Variants in WDR27 observed in about 807,000 individuals in gnomAD.
The protein encoded by WDR27 is WD repeat-containing protein 27.
In WDR27, 100 loss-of-function variants were observed where a neutral mutation model predicts 114.4. The observed-to-expected ratio is 0.87, with a 90% CI of 0.74 to 1.03. The LOEUF is 1.03. Ranked by LOEUF, WDR27 falls within the 50% of genes least tolerant of loss-of-function variation. The pLI, the probability that WDR27 is intolerant of heterozygous loss-of-function variation, is 0.00. For synonymous variants in WDR27, 449 were observed against 423.1 expected (o/e 1.06, Z -0.75); for missense variants, 1,129 against 1,092.9 (o/e 1.03, Z -0.47).
At chr6:169,464,673 T>C (rs1442953174) in intron 25 of WDR27, among the ~76,000 whole-genome samples, 2 of 152,242 alleles carry the variant, frequency 1.3e-5, no homozygotes, top group Non-Finnish European at 2.9e-5. Flanking sequence ...TCTCCACTTC[T>C]AACAAGGGAT....
At chr6:169,491,031 G>A (rs759634859) in intron 25 of WDR27, among the ~76,000 whole-genome samples, 28 of 152,118 alleles carry the variant, frequency 1.8e-4, no homozygotes, top group Non-Finnish European at 3.5e-4. Flanking sequence ...GTGGACTTAC[G>A]TACTTTCCAA....
In WDR27 at chr6:169,626,209, C is replaced by T. The variant is rs547065882; in HGVS notation, c.2223+6738G>A. ...CAGCTGCTGGGGAGCAACTGCAGGC[C>T]ATAGGTGGGACAGAAGACGGCAGCG... On this transcript the variant is annotated intron_variant, in intron 21 of 25. Coordinates refer to ENST00000448612, the MANE Select transcript of WDR27 (RefSeq NM_182552.5). Among the ~76,000 whole-genome samples, 6 of 152,266 alleles carry T rather than the reference C, an allele frequency of 3.9e-5. No individual in the cohort carries two copies. The East Asian group carries it at 1.2e-3, about 29-fold the overall frequency.
At chr6:169,616,117 G>A (rs766852648) in intron 21 of WDR27, among the ~76,000 whole-genome samples, 1 of 152,070 alleles carries the variant, frequency 6.6e-6, no homozygotes, top group Non-Finnish European at 1.5e-5. Flanking sequence ...ATAACTGCAC[G>A]TGAAAATATA....
At chr6:169,667,852 T>C (rs1219993203) in intron 5 of WDR27, 130 bp downstream of exon 5, 8 of 909,086 alleles carry the variant, frequency 8.8e-6, no homozygotes, top group Non-Finnish European at 9.7e-6. Context: ...AGCGGGCGCC[T>C]TGCAGAAGTG....
chr6:169,507,925 GAC>G (rs1792226523), intron 25 of WDR27, among the ~76,000 whole-genome samples: 1 of 152,166 alleles, frequency 6.6e-6, no homozygotes, highest in Non-Finnish European at 1.5e-5. Flanking sequence ...CTTATAAACT[GAC>G]CTTCCAACTG....
intron 25 of WDR27, among the ~76,000 whole-genome samples, chr6:169,533,276 A>C: frequency 7.0e-6 from 1 of 142,740 alleles, no homozygotes; most frequent in Non-Finnish European, 1.5e-5. Context: ...CATGGGTTGG[A>C]GTAAATGGCT....
At chr6:169,474,407 C>G (rs1786851082) in intron 25 of WDR27, among the ~76,000 whole-genome samples, 3 of 152,138 alleles carry the variant, frequency 2.0e-5, no homozygotes, top group African/African-American at 7.2e-5. Flanking sequence ...AATATGCAGT[C>G]TTTAACTAAA....
chr6:169,617,825 C>T (rs747957355), intron 21 of WDR27, among the ~76,000 whole-genome samples: 8 of 152,234 alleles, frequency 5.3e-5, no homozygotes, highest in Admixed American at 3.9e-4. Context: ...CCTATTGGCA[C>T]AACTGCCAGT....
the WDR27 span, among the ~76,000 whole-genome samples, chr6:169,440,742 T>G: frequency 1.4e-4 from 22 of 152,210 alleles, no homozygotes; most frequent in African/African-American, 4.6e-4. Context: ...GTCCACCTGT[T>G]GGGTAATTTT....
chr6:169,650,820 G>C (rs963972672), intron 14 of WDR27, among the ~76,000 whole-genome samples: 2 of 143,222 alleles, frequency 1.4e-5, no homozygotes, highest in African/African-American at 5.3e-5. Flanking sequence ...ATGCACACAC[G>C]CATCCATCTC....
intron 21 of WDR27, among the ~76,000 whole-genome samples, chr6:169,618,006 T>C (rs989217257): frequency 4.6e-5 from 7 of 152,246 alleles, no homozygotes; most frequent in African/African-American, 1.7e-4. Context: ...TCTTAACTCC[T>C]GTATCATTGC....
chr6:169,498,041 A>T (rs143391400), intron 25 of WDR27, among the ~76,000 whole-genome samples: 159 of 152,276 alleles, frequency 1.0e-3, no homozygotes, highest in Middle Eastern at 3.4e-3. Context: ...TAAGCAAAAC[A>T]TGGTATATCC....
intron 25 of WDR27, among the ~76,000 whole-genome samples, chr6:169,501,648 A>G (rs1282442280): frequency 6.6e-6 from 1 of 152,238 alleles, no homozygotes; most frequent in Non-Finnish European, 1.5e-5. Flanking sequence ...ACTCGCCTGC[A>G]TGTTCTCATT....
At chr6:169,681,324 T>C (rs1781470070) in intron 2 of WDR27, among the ~76,000 whole-genome samples, 1 of 152,004 alleles carries the variant, frequency 6.6e-6, no homozygotes, top group Admixed American at 6.6e-5. Flanking sequence ...CCCACTCATA[T>C]CTCCCGACAA....
chr6:169,457,973 C>CGGAGGTGGTGGA (rs1784463841), intron 25 of WDR27, among the ~76,000 whole-genome samples: 1 of 111,740 alleles, frequency 8.9e-6, no homozygotes, highest in Admixed American at 8.7e-5. Flanking sequence ...GCACTCCTGA[C>CGGAGGTGGTGGA]GGAGGAGGAG....
chr6:169,575,295 T>TCC (rs1229845624), intron 24 of WDR27, among the ~76,000 whole-genome samples: 15 of 86,758 alleles, frequency 1.7e-4, no homozygotes, highest in African/African-American at 5.1e-4. Flanking sequence ...CCTCCCTCCC[T>TCC]CTCTCCATCC....
chr6:169,531,811 G>A (rs1795645914), intron 25 of WDR27, among the ~76,000 whole-genome samples: 1 of 151,972 alleles, frequency 6.6e-6, no homozygotes, highest in South Asian at 2.1e-4. Flanking sequence ...CCACCACCAT[G>A]CCTGGCTAAT....
chr6:169,581,877 A>G (rs957454333), intron 24 of WDR27, among the ~76,000 whole-genome samples: 1 of 152,276 alleles, frequency 6.6e-6, no homozygotes, highest in African/African-American at 2.4e-5. Flanking sequence ...CAGAGCACAC[A>G]GTCACACAGT....
rs767844461 is a variant in WDR27, at chr6:169,638,613, A to T, written c.1795T>A (p.Trp599Arg). 1.2e-5 allele frequency: 20 copies of T among 1,607,608 alleles called. No homozygotes were observed. The highest frequency in any genetic ancestry group is 1.5e-5 in the Non-Finnish European group (18 of 1,177,370). The change falls in exon 18 of 26, where the codon TGG becomes AGG. Residue 599 changes from tryptophan to arginine, a missense_variant. Physicochemically the swap from Trp to Arg is moderately radical, Grantham distance 101. Coordinates refer to ENST00000448612, the MANE Select transcript of WDR27 (RefSeq NM_182552.5). ...NAVCWSQDRR[W>R]LLSAARDGTL... ...CCGTCCCGGGCCGCAGAGAGCAGCCACCTCCGGTCCTGGCTCCAGCACACG... is the reference window on the plus strand; with the variant it reads ...CCGTCCCGGGCCGCAGAGAGCAGCCTCCTCCGGTCCTGGCTCCAGCACACG...
Sources: allele counts gnomAD v4.1 joint callset (sites outside exome capture counted in the v4.1 genomes callset), GRCh38; gene constraint gnomAD v4.1.1; transcripts MANE v1.5; gene names NCBI Gene and HGNC (gene_info 2026-07-23, HGNC 2026-07-21).